B3GLCT: variants seen among roughly 807,000 people sequenced by gnomAD.
B3GLCT encodes beta-1,3-glucosyltransferase.
B3GLCT carries 65 observed loss-of-function variants against 63.4 expected under a neutral mutation model. The observed-to-expected ratio is 1.03, with a 90% CI of 0.84 to 1.26. B3GLCT has a LOEUF of 1.26. Among genes scored for constraint, B3GLCT ranks in the 50% most tolerant of loss-of-function variants. B3GLCT has a pLI of 0.00. For synonymous variants in B3GLCT, 233 were observed against 219.2 expected (o/e 1.06, Z -0.55); for missense variants, 577 against 604.8 (o/e 0.95, Z 0.48).
At chr13:31,329,457 A>G (rs373991220) in intron 14 of B3GLCT, 44 bp from the exon 15 acceptor site, 1 of 1,610,166 alleles carries the variant, frequency 6.2e-7, no homozygotes, top group Non-Finnish European at 8.5e-7. Context: ...CAGCAAAATT[A>G]TATTCAATCA....
At chr13:31,262,140 T>TC (rs1167472385) in intron 7 of B3GLCT, among the ~76,000 whole-genome samples, 1 of 152,124 alleles carries the variant, frequency 6.6e-6, no homozygotes, top group African/African-American at 2.4e-5. Flanking sequence ...GGCTTCCTGA[T>TC]GATGGCAGAG....
At chr13:31,207,955 A>G (rs1364678202) in intron 1 of B3GLCT, among the ~76,000 whole-genome samples, 1 of 152,218 alleles carries the variant, frequency 6.6e-6, no homozygotes, top group Non-Finnish European at 1.5e-5. Context: ...GAACCTGAAC[A>G]TACATGAACT....
At chr13:31,243,463 A>G (rs1446188373) in intron 4 of B3GLCT, among the ~76,000 whole-genome samples, 1 of 152,210 alleles carries the variant, frequency 6.6e-6, no homozygotes, top group Non-Finnish European at 1.5e-5. Context: ...ATATTCATCT[A>G]TTTTAATCCA....
In B3GLCT at chr13:31,324,570, C is replaced by T. The variant is rs553596742; in HGVS notation, c.1329+675C>T. ...GTGAATTTTCTTTTAAGAATAATAG[C>T]AGTTGTTCACAAACTAAAAATAACC... On this transcript the variant is annotated intron_variant, in intron 14 of 14. Coordinates refer to ENST00000343307, the MANE Select transcript of B3GLCT (RefSeq NM_194318.4). 7.2e-5 allele frequency among the ~76,000 whole-genome samples: 11 copies of T among 152,244 alleles called. No homozygotes were observed. The South Asian group carries it at 2.3e-3, about 32-fold the overall frequency.
At chr13:31,286,883 G>C in intron 12 of B3GLCT, 64 bp downstream of exon 12, 2 of 1,153,478 alleles carry the variant, frequency 1.7e-6, no homozygotes, top group Non-Finnish European at 2.6e-6. Flanking sequence ...CAAAAAACTA[G>C]ATGGGTACTT....
intron 12 of B3GLCT, among the ~76,000 whole-genome samples, chr13:31,308,671 A>G (rs1334606446): frequency 6.6e-6 from 1 of 152,208 alleles, no homozygotes; most frequent in African/African-American, 2.4e-5. Flanking sequence ...AGTTATTCTC[A>G]TAATCCATTT....
intron 11 of B3GLCT, among the ~76,000 whole-genome samples, chr13:31,285,589 A>G (rs1873282031): frequency 8.0e-6 from 1 of 124,240 alleles, no homozygotes; most frequent in Admixed American, 9.5e-5. Flanking sequence ...TTTGTTCCCC[A>G]TGCCCTTTTA....
At chr13:31,224,135 G>A (rs1034228870) in intron 3 of B3GLCT, among the ~76,000 whole-genome samples, 10 of 152,268 alleles carry the variant, frequency 6.6e-5, no homozygotes, top group African/African-American at 2.4e-4. Flanking sequence ...CATATCTAGG[G>A]CCCACAGGGG....
rs143580118 is a variant in B3GLCT at position 31,287,663 on chromosome 13, A to G, written c.1064+844A>G. ...GGCATATAAAGCAGCAGGAAAATAC[A>G]GAAGTGAAAAAAAATTAGCTTATTG... On this transcript the variant is annotated intron_variant, in intron 12 of 14. Transcript: ENST00000343307. 6.4e-3 allele frequency among the ~76,000 whole-genome samples: 922 copies of G among 144,968 alleles called. 6 individuals are homozygous for G. Among genetic ancestry groups the G allele is most frequent in the Admixed American group, 0.015 (213 of 14,688 alleles).
chr13:31,223,062 G>A (rs1869903415), intron 3 of B3GLCT, 71 bp downstream of exon 3: 1 of 1,055,094 alleles, frequency 9.5e-7, no homozygotes, highest in Non-Finnish European at 1.5e-6. Context: ...TTTCCATGAA[G>A]TGATTTTTTT....
chr13:31,250,454 A>C (rs554179617), intron 6 of B3GLCT, among the ~76,000 whole-genome samples: 1 of 152,222 alleles, frequency 6.6e-6, no homozygotes, highest in Non-Finnish European at 1.5e-5. Flanking sequence ...GATTACAGGC[A>C]TGGAGCCACC....
intron 3 of B3GLCT, among the ~76,000 whole-genome samples, chr13:31,227,624 T>A (rs1870165296): frequency 6.6e-6 from 1 of 152,248 alleles, no homozygotes; most frequent in South Asian, 2.1e-4. Flanking sequence ...TCCTTTTACA[T>A]ATTTTATTTA....
chr13:31,304,140 C>G, intron 12 of B3GLCT, among the ~76,000 whole-genome samples: 1 of 102,452 alleles, frequency 9.8e-6, no homozygotes, highest in Non-Finnish European at 1.9e-5. Context: ...GAGATTTTGT[C>G]GCCACCAGGC....
At chr13:31,222,353 G>A (rs1227405869) in intron 2 of B3GLCT, among the ~76,000 whole-genome samples, 2 of 152,064 alleles carry the variant, frequency 1.3e-5, no homozygotes, top group Non-Finnish European at 2.9e-5. Context: ...TGGGGTTACA[G>A]GTATGAGCCA....
At chr13:31,276,925 G>A (rs1199425038) in intron 10 of B3GLCT, among the ~76,000 whole-genome samples, 154 bp downstream of exon 10, 2 of 152,132 alleles carry the variant, frequency 1.3e-5, no homozygotes, top group Non-Finnish European at 2.9e-5. Context: ...ACTCCTCATT[G>A]CACCATTTCA....
intron 4 of B3GLCT, among the ~76,000 whole-genome samples, chr13:31,234,510 G>C (rs1870549321): frequency 6.6e-6 from 1 of 152,192 alleles, no homozygotes; most frequent in South Asian, 2.1e-4. Context: ...TTGAGGCTGA[G>C]GTGGGAGGGG....
intron 12 of B3GLCT, among the ~76,000 whole-genome samples, chr13:31,300,044 G>A (rs931499067): frequency 1.1e-4 from 16 of 152,100 alleles, no homozygotes; most frequent in African/African-American, 3.9e-4. Context: ...TACCTCCTTT[G>A]GTCAAAATAG....
chr13:31,200,173 G>T lies in B3GLCT; in HGVS notation c.70+19G>T. The T allele has an allele frequency of 7.8e-7, 1 of 1,282,162 alleles. No homozygotes were observed. The highest frequency in any genetic ancestry group is 1.8e-5 in the South Asian group (1 of 54,956). The allele number at this position is 1,282,162 out of a possible 1,614,324, so 79.4% of individuals were successfully genotyped here. A position where few individuals can be genotyped will look rare whatever the true frequency, so the allele number is the denominator to read the frequency against. ...TCCCTGGGTAAGTAGCGGGCGGCCA[G>T]GCGCGCAAGGGCGAGGCGTGGGGTT... On this transcript the variant is annotated intron_variant, in intron 1 of 14. Transcript: ENST00000343307.
At chr13:31,315,738 C>A (rs1319656475) in intron 12 of B3GLCT, among the ~76,000 whole-genome samples, 2 of 152,122 alleles carry the variant, frequency 1.3e-5, no homozygotes, top group Admixed American at 1.3e-4. Context: ...GGGAAAATGT[C>A]TCCAGGGCAT....
Sources: allele counts gnomAD v4.1 joint callset (sites outside exome capture counted in the v4.1 genomes callset), GRCh38; gene constraint gnomAD v4.1.1; transcripts MANE v1.5; gene names NCBI Gene and HGNC (gene_info 2026-07-23, HGNC 2026-07-21).